BDP1: variants seen among roughly 807,000 people sequenced by gnomAD.
The protein encoded by BDP1 is transcription factor TFIIIB component B'' homolog.
Under a neutral mutation model 266.6 loss-of-function variants are expected in BDP1, and 169 were observed. The observed-to-expected ratio is 0.63, with a 90% CI of 0.56 to 0.72. The LOEUF (loss-of-function observed/expected upper bound fraction) is 0.72. BDP1 is among the 30% of genes least tolerant of loss of function. The pLI is 0.00. For synonymous variants in BDP1, 1,090 were observed against 1,022.4 expected (o/e 1.07, Z -1.26); for missense variants, 3,015 against 3,053.8 (o/e 0.99, Z 0.30).
At chr5:71,533,878 A>G (rs982755215) in intron 26 of BDP1, among the ~76,000 whole-genome samples, 4 of 152,084 alleles carry the variant, frequency 2.6e-5, no homozygotes, top group African/African-American at 4.8e-5. Context: ...CCTATTGGCC[A>G]TTTGTATATC....
intron 13 of BDP1, among the ~76,000 whole-genome samples, chr5:71,497,840 G>A (rs1763985512): frequency 6.6e-6 from 1 of 152,192 alleles, no homozygotes; most frequent in African/African-American, 2.4e-5. Flanking sequence ...GAGTCCAGGA[G>A]TGCAATGGCA....
At chr5:71,563,613 T>C (rs142059512) in intron 38 of BDP1, among the ~76,000 whole-genome samples, 1 of 152,324 alleles carries the variant, frequency 6.6e-6, no homozygotes, top group African/African-American at 2.4e-5. Flanking sequence ...TCAGATAGTT[T>C]AAAAAGGTAC....
chr5:71,552,028 T>G, intron 34 of BDP1, among the ~76,000 whole-genome samples: 3 of 138,922 alleles, frequency 2.2e-5, no homozygotes, highest in African/African-American at 2.7e-5. Context: ...CCGGACGGGG[T>G]GGCTGCCGGG....
intron 7 of BDP1, among the ~76,000 whole-genome samples, chr5:71,472,196 C>G (rs1442306918): frequency 3.3e-5 from 5 of 152,182 alleles, no homozygotes; most frequent in Admixed American, 6.5e-5. Context: ...CATGGTGGCT[C>G]ACGCCTGTAA....
In BDP1 at chr5:71,464,096, C is replaced by A; in HGVS notation, c.638C>A (p.Ser213Ter). 6.3e-7 allele frequency: 1 copy of A among 1,579,164 alleles called. No individual in the cohort carries two copies. Among genetic ancestry groups the A allele is most frequent in the Non-Finnish European group, 8.6e-7 (1 of 1,160,220 alleles). ...CAAGAAAAGAAAACTGAAAAGCCAT[C>A]GACTCCAGTCCAGACAAGAGAGTAA... is the stretch of plus-strand genomic sequence containing the variant. Reference protein sequence around the residue: ...LEQEKKTEKPSTPVQTREQEG... With the variant: ...LEQEKKTEKP Residue 213 changes from serine (S) to a stop codon, truncating the protein, a stop_gained, in exon 4 of 39, where the codon TCG (serine) becomes TAG (stop). Transcript: ENST00000358731. LOFTEE classifies it high-confidence loss of function.
chr5:71,548,874 T>C, intron 33 of BDP1, 129 bp downstream of exon 33: 1 of 693,534 alleles, frequency 1.4e-6, no homozygotes, highest in South Asian at 1.9e-5. Flanking sequence ...AAACGTTTTA[T>C]AGAAACACCT....
In BDP1 at chr5:71,455,803, C is replaced by T; in HGVS notation, c.-75C>T. 1 of 1,336,392 alleles carries T rather than the reference C, an allele frequency of 7.5e-7. No homozygotes were observed. The highest frequency in any genetic ancestry group is 1.0e-6 in the Non-Finnish European group (1 of 976,618). 82.8% of individuals were successfully genotyped at this position (1,336,392 alleles called of 1,614,324 possible). On this transcript the variant is annotated 5_prime_UTR_variant, in exon 1 of 39. Coordinates refer to ENST00000358731, the MANE Select transcript of BDP1 (RefSeq NM_018429.3). ...GTGGGGAGGGCGTAGTTCCTAATCC[C>T]CTTTCCGGGCAGCCGCCGGGGCTCG...
At chr5:71,458,115 C>T (rs963175552) in intron 1 of BDP1, among the ~76,000 whole-genome samples, 4 of 152,166 alleles carry the variant, frequency 2.6e-5, no homozygotes, top group Admixed American at 2.0e-4. Flanking sequence ...TGGAGTTTTG[C>T]ATATTTGATT....
chr5:71,567,113 T>G lies in BDP1; in HGVS notation c.*2228T>G, dbSNP rs1173046568. 6.6e-6 allele frequency: 1 copy of G among 152,208 alleles called. No homozygotes were observed. The highest frequency in any genetic ancestry group is 1.5e-5 in the Non-Finnish European group (1 of 68,032). The allele number at this position is 152,208 out of a possible 1,614,324, so 9.4% of individuals were successfully genotyped here. On this transcript the variant is annotated 3_prime_UTR_variant, in exon 39 of 39. Transcript: ENST00000358731. ...TGATATGTCACAGAAATCATGGTAG[T>G]AAATCACATTGCTATTTGAATACCC...
chr5:71,537,808 A>G (rs1288729337), intron 26 of BDP1: 3 of 164,216 alleles, frequency 1.8e-5, no homozygotes, highest in African/African-American at 7.3e-5. Flanking sequence ...TCTTTCCTTC[A>G]CCGCCCTTCT....
intron 1 of BDP1, among the ~76,000 whole-genome samples, chr5:71,456,415 C>T (rs1355893905): frequency 6.6e-6 from 1 of 152,204 alleles, no homozygotes; most frequent in East Asian, 1.9e-4. Context: ...AGTTTTCATC[C>T]TTCTGGAGTG....
Position 71,511,090 on chromosome 5 carries a change from A to G in BDP1, c.3998A>G (p.Asp1333Gly), listed in dbSNP as rs867042763. ...LEETSTSRQT[D>G]THLMQSGSND... ...GAGACCAGTACCTCAAGACAAACTG[A>G]CACACATTTAATGCAGAGCGGTAGC... The change falls in exon 17 of 39, where the codon GAC (aspartate) becomes GGC (glycine). Residue 1333 changes from aspartate to glycine, a missense_variant. Physicochemically the swap from Asp to Gly is moderately conservative, Grantham distance 94 (BLOSUM62 -1). Transcript: ENST00000358731. 2 of 1,614,146 alleles carry G rather than the reference A, an allele frequency of 1.2e-6. No homozygotes were observed. Among genetic ancestry groups the G allele is most frequent in the Non-Finnish European group, 1.7e-6 (2 of 1,179,988 alleles).
Position 71,511,117 on chromosome 5 carries a change from A to G in BDP1, c.4025A>G (p.Asn1342Ser), listed in dbSNP as rs759621831. 8.7e-6 allele frequency: 14 copies of G among 1,613,608 alleles called. No homozygotes were observed. The highest frequency in any genetic ancestry group is 2.7e-5 in the African/African-American group (2 of 74,934). Residue 1342 changes from asparagine (N) to serine (S), a missense_variant, in exon 17 of 39, where the codon AAT becomes AGT. Around this residue, in one of 3 missense-constraint regions of BDP1, gnomAD observed 2,383 missense variants for 2,404.9 expected, o/e 0.99. Coordinates refer to ENST00000358731, the MANE Select transcript of BDP1 (RefSeq NM_018429.3). ...ACACATTTAATGCAGAGCGGTAGCA[A>G]TGACTTCAGTGCTGTGCCTTCACTA... ...TDTHLMQSGSNDFSAVPSLDI... is the reference protein window; with the variant it reads ...TDTHLMQSGSSDFSAVPSLDI...
Position 71,509,633 on chromosome 5 carries a change from G to C in BDP1, c.2541G>C (p.Leu847Phe). The change falls in exon 17 of 39, where the codon TTG (leucine) becomes TTC (phenylalanine). Residue 847 changes from leucine to phenylalanine, a missense_variant. By Grantham distance (22) the Leu-to-Phe change is conservative. Around this residue, in one of 3 missense-constraint regions of BDP1, gnomAD observed 2,383 missense variants for 2,404.9 expected, o/e 0.99. Coordinates refer to ENST00000358731, the MANE Select transcript of BDP1 (RefSeq NM_018429.3). ...ILVSGEMAAA[L>F]RETVRLDTSP... ...TCTCTGGGGAAATGGCGGCAGCATT[G>C]AGAGAAACTGTAAGACTAGACACCT... 1.2e-6 allele frequency: 2 copies of C among 1,613,354 alleles called. No individual in the cohort carries two copies. Among genetic ancestry groups the C allele is most frequent in the Non-Finnish European group, 1.7e-6 (2 of 1,179,846 alleles).
intron 30 of BDP1, among the ~76,000 whole-genome samples, chr5:71,543,322 G>A (rs1348971192): frequency 6.6e-6 from 1 of 152,214 alleles, no homozygotes; most frequent in Non-Finnish European, 1.5e-5. Flanking sequence ...GCTGGGCACG[G>A]TGGTGGTGCA....
Position 71,509,609 on chromosome 5 carries a change from C to G in BDP1, c.2517C>G (p.Val839=). 5 of 1,613,888 alleles carry G rather than the reference C, an allele frequency of 3.1e-6. No individual in the cohort carries two copies. The highest frequency in any genetic ancestry group is 4.2e-6 in the Non-Finnish European group (5 of 1,179,980). Residue 839 remains valine (V), a synonymous_variant, in exon 17 of 39, where the codon GTC becomes GTG. Transcript: ENST00000358731. ...AAGAGGTACTAGAGAAGATTCTTGTCTCTGGGGAAATGGCGGCAGCATTGA... is the reference window on the plus strand; with the variant it reads ...AAGAGGTACTAGAGAAGATTCTTGTGTCTGGGGAAATGGCGGCAGCATTGA... ...SKEEVLEKIL[V]SGEMAAALRE...
chr5:71,497,228 G>A (rs1195006595), intron 12 of BDP1, 42 bp from the exon 13 acceptor site: 1 of 1,562,364 alleles, frequency 6.4e-7, no homozygotes, highest in South Asian at 1.1e-5. Context: ...ATTTGGACAT[G>A]ACTGCATGTT....
chr5:71,504,006 C>T (rs1580089956), intron 15 of BDP1, among the ~76,000 whole-genome samples: 1 of 151,956 alleles, frequency 6.6e-6, no homozygotes. Flanking sequence ...GGCGCAGTGG[C>T]TCATGCCTGT....
intron 31 of BDP1, 135 bp from the exon 32 acceptor site, chr5:71,544,904 A>AAT: frequency 1.8e-5 from 8 of 442,326 alleles, no homozygotes; most frequent in East Asian, 4.5e-5. Flanking sequence ...AAAAAAAAAA[A>AAT]AAGTCCTATT....
Sources: allele counts gnomAD v4.1 joint callset (sites outside exome capture counted in the v4.1 genomes callset), GRCh38; gene constraint gnomAD v4.1.1; regional missense constraint gnomAD v4.1.1; transcripts MANE v1.5; gene names NCBI Gene and HGNC (gene_info 2026-07-23, HGNC 2026-07-21).